SHB: variants seen among roughly 807,000 people sequenced by gnomAD.
SHB encodes SH2 domain-containing adapter protein B.
A neutral mutation model predicts 52.3 loss-of-function variants in SHB; 20 were observed. The ratio of observed to expected loss-of-function variants is 0.38; its 90% CI spans 0.27 to 0.56. The LOEUF is 0.56. Ranked by LOEUF, SHB falls within the 20% of genes least tolerant of loss-of-function variation. The pLI is 0.71. For synonymous variants in SHB, 397 were observed against 316.5 expected, an observed-to-expected ratio of 1.25 and a Z score of -2.70; for missense variants, 825 against 723.3, an observed-to-expected ratio of 1.14 and a Z score of -1.61.
chr9:38,039,213 T>C (rs149875497), intron 1 of SHB, among the ~76,000 whole-genome samples: 17 of 152,348 alleles, frequency 1.1e-4, no homozygotes, highest in African/African-American at 3.8e-4. Context: ...GCCTCCAATG[T>C]TATCTCCAAA....
At chr9:38,044,878 A>G (rs1821629873) in intron 1 of SHB, among the ~76,000 whole-genome samples, 1 of 152,216 alleles carries the variant, frequency 6.6e-6, no homozygotes, top group African/African-American at 2.4e-5. Flanking sequence ...AGGAGCCATG[A>G]CATGGTGTGA....
chr9:37,955,963 C>T lies in SHB; in HGVS notation c.1146G>A (p.Lys382=). Residue 382 remains lysine (K), a synonymous_variant, in exon 4 of 6, where the codon AAG becomes AAA. Coordinates refer to ENST00000377707, the MANE Select transcript of SHB (RefSeq NM_003028.3). ...RQLRAPGGGF[K]PIKHGSPEFC... ...ACTCAGGGCTCCCATGTTTGATAGG[C>T]TTAAAGCCCCCTCCAGGGGCACGAA... 6.2e-7 allele frequency: 1 copy of T among 1,611,262 alleles called. No individual in the cohort carries two copies. Among genetic ancestry groups the T allele is most frequent in the Non-Finnish European group, 8.5e-7 (1 of 1,179,118 alleles).
chr9:37,926,636 C>T (rs1411920423), intron 5 of SHB, among the ~76,000 whole-genome samples: 2 of 152,188 alleles, frequency 1.3e-5, no homozygotes, highest in Non-Finnish European at 2.9e-5. Flanking sequence ...GACACACGAC[C>T]CCGTTCTCCC....
intron 5 of SHB, among the ~76,000 whole-genome samples, chr9:37,932,631 A>G (rs771643337): frequency 3.3e-5 from 5 of 151,870 alleles, no homozygotes; most frequent in Non-Finnish European, 7.4e-5. Context: ...CTATAGGAAC[A>G]TTTTTTGTTT....
intron 5 of SHB, among the ~76,000 whole-genome samples, chr9:37,934,307 G>A (rs913990873): frequency 6.6e-6 from 1 of 152,090 alleles, no homozygotes; most frequent in Admixed American, 6.5e-5. Flanking sequence ...GCTTTTCTGT[G>A]GTGGGAAAGG....
At position 37,915,972 on chromosome 9, in the gene SHB, G is replaced by A. The variant is rs1444570837; in HGVS notation, c.*3849C>T. ...ATTATACAGTGTGTCACATAGATTTGGAATGTTACAAGAGACTTCAGCAGT... is the reference window on the plus strand; with the variant it reads ...ATTATACAGTGTGTCACATAGATTTAGAATGTTACAAGAGACTTCAGCAGT... On this transcript the variant is annotated 3_prime_UTR_variant, in exon 6 of 6. Transcript: ENST00000377707. Among the ~76,000 whole-genome samples the A allele has an allele frequency of 1.3e-5, 2 of 152,210 alleles. No individual in the cohort carries two copies. The highest frequency in any genetic ancestry group is 2.4e-5 in the African/African-American group (1 of 41,458).
chr9:38,028,603 C>CT (rs1821374237), intron 1 of SHB, among the ~76,000 whole-genome samples: 1 of 152,216 alleles, frequency 6.6e-6, no homozygotes, highest in Non-Finnish European at 1.5e-5. Context: ...GCCAGAAGGC[C>CT]TGTGGCACCT....
At chr9:37,955,116 G>A (rs1052435842) in intron 4 of SHB, among the ~76,000 whole-genome samples, 1 of 152,196 alleles carries the variant, frequency 6.6e-6, no homozygotes, top group Non-Finnish European at 1.5e-5. Context: ...ACTGTAGCTA[G>A]AAAATAAATC....
At chr9:37,935,146 G>T (rs928690471) in intron 5 of SHB, among the ~76,000 whole-genome samples, 2 of 152,184 alleles carry the variant, frequency 1.3e-5, no homozygotes, top group African/African-American at 4.8e-5. Flanking sequence ...TGAAATGTGG[G>T]TGTCCGGGTC....
intron 1 of SHB, among the ~76,000 whole-genome samples, chr9:38,029,787 G>A (rs143583119): frequency 7.9e-5 from 12 of 152,202 alleles, no homozygotes; most frequent in African/African-American, 2.9e-4. Flanking sequence ...CACCACACCC[G>A]GCCTGCTATG....
intron 1 of SHB, among the ~76,000 whole-genome samples, chr9:38,021,885 C>T (rs942156695): frequency 1.3e-5 from 2 of 152,254 alleles, no homozygotes; most frequent in Admixed American, 6.5e-5. Context: ...TCTGCACATC[C>T]GCCACCCTGC....
At chr9:37,940,920 G>T (rs893818164) in intron 5 of SHB, among the ~76,000 whole-genome samples, 5 of 152,198 alleles carry the variant, frequency 3.3e-5, no homozygotes, top group African/African-American at 4.8e-5. Context: ...GATACCTGTT[G>T]AGTGGTCATC....
At chr9:38,058,431 G>A (rs548323941) in intron 1 of SHB, among the ~76,000 whole-genome samples, 7 of 152,322 alleles carry the variant, frequency 4.6e-5, no homozygotes, top group Admixed American at 4.6e-4. Flanking sequence ...TCTCTGCCAG[G>A]AAATCCTGAG....
At chr9:38,006,148 T>C (rs1821073003) in intron 2 of SHB, among the ~76,000 whole-genome samples, 1 of 152,040 alleles carries the variant, frequency 6.6e-6, no homozygotes, top group African/African-American at 2.4e-5. Context: ...TCCCACCCTC[T>C]CCTCTCCCTT....
intron 1 of SHB, among the ~76,000 whole-genome samples, chr9:38,058,952 T>G (rs1244072255): frequency 2.0e-5 from 3 of 152,186 alleles, no homozygotes; most frequent in African/African-American, 7.2e-5. Context: ...CCTCTTTACT[T>G]TCCTCCACAG....
At chr9:37,988,784 A>G (rs997548379) in intron 2 of SHB, among the ~76,000 whole-genome samples, 1 of 152,222 alleles carries the variant, frequency 6.6e-6, no homozygotes, top group South Asian at 2.1e-4. Context: ...GGTGGGCCTC[A>G]TCCAATCAGT....
At chr9:38,004,123 G>A (rs55850724) in intron 2 of SHB, among the ~76,000 whole-genome samples, 74 of 152,330 alleles carry the variant, frequency 4.9e-4, no homozygotes, top group Admixed American at 7.8e-4. Context: ...TGTTGCGGAA[G>A]CCTCTGCTCC....
intron 1 of SHB, among the ~76,000 whole-genome samples, chr9:38,019,527 T>C (rs1342004687): frequency 6.6e-6 from 1 of 152,242 alleles, no homozygotes; most frequent in East Asian, 1.9e-4. Context: ...TAGAGGAAGG[T>C]GGGTGTTGCC....
chr9:37,943,284 A>C (rs953905648), intron 5 of SHB, among the ~76,000 whole-genome samples: 2 of 152,142 alleles, frequency 1.3e-5, no homozygotes. Flanking sequence ...TCATAGAAAG[A>C]GTACTTTCTA....
Sources: allele counts gnomAD v4.1 joint callset (sites outside exome capture counted in the v4.1 genomes callset), GRCh38; gene constraint gnomAD v4.1.1; transcripts MANE v1.5; gene names NCBI Gene and HGNC (gene_info 2026-07-23, HGNC 2026-07-21).